TPO: variants seen among roughly 807,000 people sequenced by gnomAD.
The protein encoded by TPO is thyroid microsomal antigen.
In TPO, 78 loss-of-function variants were observed where a neutral mutation model predicts 96.9. The observed-to-expected ratio is 0.81, with a 90% CI of 0.67 to 0.97. The LOEUF (loss-of-function observed/expected upper bound fraction) is 0.97, where lower values mean the gene tolerates loss of function less well. Among genes scored for constraint, TPO ranks in the 50% least tolerant of loss-of-function variants. TPO has a pLI of 0.00. For synonymous variants in TPO, 547 were observed against 538.0 expected (o/e 1.02, Z -0.23); for missense variants, 1,252 against 1,274.8 (o/e 0.98, Z 0.27).
intron 12 of TPO, 48 bp downstream of exon 12, chr2:1,496,245 TCAAA>T (rs1431804159): frequency 6.3e-7 from 1 of 1,585,920 alleles, no homozygotes; most frequent in Admixed American, 1.7e-5. Context: ...GTGCATCTCA[TCAAA>T]CAAAGCTTAT....
chr2:1,472,827 C>CAAAAAA (rs34064729), intron 7 of TPO, among the ~76,000 whole-genome samples: 2,557 of 48,024 alleles, frequency 0.053, 377 homozygotes, highest in East Asian at 0.12. Flanking sequence ...TGTTTGGCGG[C>CAAAAAA]AAAAAAAAAA....
chr2:1,413,653 G>C (rs921009089), intron 1 of TPO, 108 bp downstream of exon 1: 13 of 985,280 alleles, frequency 1.3e-5, no homozygotes, highest in Non-Finnish European at 1.4e-5. Context: ...TAGCAGGTAT[G>C]GGTGGCGTCT....
At chr2:1,522,736 C>T (rs1437881744) in intron 15 of TPO, among the ~76,000 whole-genome samples, 1 of 151,140 alleles carries the variant, frequency 6.6e-6, no homozygotes, top group East Asian at 1.9e-4. Flanking sequence ...CCCAAACCCC[C>T]ACTGTATGCA....
intron 7 of TPO, among the ~76,000 whole-genome samples, chr2:1,457,385 G>GT (rs1226018405): frequency 2.8e-5 from 2 of 71,978 alleles, no homozygotes. Context: ...ATGATACTGT[G>GT]GGTACACATA....
At chr2:1,374,882 A>C (rs1661698292) in intron 1 of TPO, among the ~76,000 whole-genome samples, 1 of 151,308 alleles carries the variant, frequency 6.6e-6, no homozygotes, top group Admixed American at 6.6e-5. Context: ...ACCCGCCACC[A>C]CGCCCAGCTA....
intron 13 of TPO, among the ~76,000 whole-genome samples, chr2:1,497,991 CAAAAAA>C (rs543921082): frequency 3.4e-5 from 3 of 87,272 alleles, no homozygotes; most frequent in Admixed American, 2.6e-4. Context: ...CCCCATCTAC[CAAAAAA>C]AAAAAAAAAA....
chr2:1,442,387 C>T (rs1666287425), intron 5 of TPO, among the ~76,000 whole-genome samples: 1 of 152,186 alleles, frequency 6.6e-6, no homozygotes, highest in Admixed American at 6.5e-5. Context: ...CCACTGTTTG[C>T]TCTGTGGTCT....
intron 16 of TPO, 196 bp from the exon 17 acceptor site, chr2:1,542,225 C>A: frequency 1.4e-6 from 1 of 718,086 alleles, no homozygotes; most frequent in South Asian, 1.8e-5. Flanking sequence ...TCCTCTGTGG[C>A]CTCCTGCAAA....
intron 7 of TPO, among the ~76,000 whole-genome samples, chr2:1,461,628 G>A (rs904345133): frequency 6.6e-6 from 1 of 152,134 alleles, no homozygotes; most frequent in African/African-American, 2.4e-5. Context: ...ACACTCACAG[G>A]CACAGGTGAC....
At chr2:1,517,502 C>T (rs1465540495) in intron 15 of TPO, among the ~76,000 whole-genome samples, 1 of 152,120 alleles carries the variant, frequency 6.6e-6, no homozygotes, top group Non-Finnish European at 1.5e-5. Flanking sequence ...TCGAGGCTTC[C>T]TCAGGTGCGG....
At chr2:1,386,198 G>A (rs1257437063) in intron 1 of TPO, among the ~76,000 whole-genome samples, 1 of 152,160 alleles carries the variant, frequency 6.6e-6, no homozygotes, top group Non-Finnish European at 1.5e-5. Context: ...CTGTTGATTT[G>A]GCGTGGAGAG....
chr2:1,488,118 C>T, intron 10 of TPO, 127 bp downstream of exon 10: 1 of 1,332,184 alleles, frequency 7.5e-7, no homozygotes, highest in Non-Finnish European at 1.0e-6. Flanking sequence ...TAAGCAACGG[C>T]TCTTAAAGGG....
chr2:1,437,157 A>T (rs1665658850), intron 5 of TPO, among the ~76,000 whole-genome samples: 1 of 152,190 alleles, frequency 6.6e-6, no homozygotes, highest in Non-Finnish European at 1.5e-5. Flanking sequence ...CAGGGTAGAG[A>T]AGAGGGCTTT....
At position 1,515,391 on chromosome 2, in the gene TPO, G is replaced by A. The variant is rs139341225; in HGVS notation, c.2519-1492G>A. Among the ~76,000 whole-genome samples, 1,260 of 152,330 alleles carry A rather than the reference G, an allele frequency of 8.3e-3. 22 individuals are homozygous for A. The highest frequency in any genetic ancestry group is 0.029 in the African/African-American group (1,188 of 41,574). ...TGCAGACTCCCCTGCGTCTGTGAAA[G>A]GTGGCAGGAAGGAGATCCTGGAGGC... On this transcript the variant is annotated intron_variant, in intron 14 of 16. Coordinates refer to ENST00000329066, the MANE Select transcript of TPO (RefSeq NM_001206744.2).
rs1677134642 is a variant in TPO, at chr2:1,528,415, GTGTGCAACCTGCTCAAATCCCCCCACT to G, written c.2618+11434_2618+11460del. ...GTGTGCAACCTCCTCAAATCACCCGGTGTGCAACCTGCTCAAATCCCCCCACTGTGTGCAACCTCCTCAAATCTCTCA... is the reference window on the plus strand; with the variant it reads ...GTGTGCAACCTCCTCAAATCACCCGGGTGTGCAACCTCCTCAAATCTCTCA... On this transcript the variant is annotated intron_variant, in intron 15 of 16. Transcript: ENST00000329066. Among the ~76,000 whole-genome samples the G allele has an allele frequency of 7.8e-5, 8 of 102,764 alleles. No individual in the cohort carries two copies. In the South Asian group the frequency reaches 1.6e-3, roughly 20 times the overall value. 67.4% of individuals were successfully genotyped at this position (102,764 alleles called of 152,430 possible).
At chr2:1,423,022 C>T (rs1663934473) in intron 2 of TPO, 23 bp from the exon 3 acceptor site, 1 of 1,611,724 alleles carries the variant, frequency 6.2e-7, no homozygotes, top group African/African-American at 1.3e-5. Context: ...TGCGCTTTGA[C>T]TGTGTGACAT....
chr2:1,464,358 C>T (rs1035957505), intron 7 of TPO, among the ~76,000 whole-genome samples: 8 of 152,274 alleles, frequency 5.3e-5, no homozygotes, highest in East Asian at 3.9e-4. Flanking sequence ...GCTATAAACA[C>T]GGATGTGCCA....
At chr2:1,498,810 A>G (rs1178731069) in intron 13 of TPO, among the ~76,000 whole-genome samples, 1 of 152,032 alleles carries the variant, frequency 6.6e-6, no homozygotes, top group African/African-American at 2.4e-5. Flanking sequence ...CTGACACTTC[A>G]GTGACAAAAG....
chr2:1,516,919 T>A lies in TPO; in HGVS notation c.2555T>A (p.Met852Lys), dbSNP rs1196576215. 1.4e-5 allele frequency: 22 copies of A among 1,613,890 alleles called. No homozygotes were observed. In the East Asian group the frequency reaches 4.9e-4, roughly 36 times the overall value. ...GRLPRVTWIS[M>K]SLAALLIGGF... is the part of the protein sequence containing the mutation. ...CTCCCTCGGGTGACTTGGATCTCCA[T>A]GTCGCTGGCTGCTCTGCTGATCGGA... The change falls in exon 15 of 17, where the codon ATG (methionine) becomes AAG (lysine). Residue 852 changes from methionine (M) to lysine (K), a missense_variant. Met to Lys is a moderately conservative substitution (Grantham distance 95). Transcript: ENST00000329066.
Sources: allele counts gnomAD v4.1 joint callset (sites outside exome capture counted in the v4.1 genomes callset), GRCh38; gene constraint gnomAD v4.1.1; transcripts MANE v1.5; gene names NCBI Gene and HGNC (gene_info 2026-07-23, HGNC 2026-07-21).